The following EIF2AK1 variants were observed in gnomAD, a reference collection of about 807,000 sequenced individuals.
EIF2AK1 encodes eukaryotic translation initiation factor 2-alpha kinase 1.
Under a neutral mutation model 77.9 loss-of-function variants are expected in EIF2AK1, and 54 were observed. The ratio of observed to expected loss-of-function variants is 0.69; its 90% CI spans 0.56 to 0.87. The LOEUF is 0.87. EIF2AK1 is among the 40% of genes least tolerant of loss of function. EIF2AK1 has a pLI of 0.00. For missense variants in EIF2AK1, 810 were observed against 768.6 expected (o/e 1.05, Z -0.64); for synonymous variants, 314 against 290.5 (o/e 1.08, Z -0.82).
Position 6,059,145 on chromosome 7 carries a change from T to A in EIF2AK1, c.-62A>T, listed in dbSNP as rs1488049557. 2.6e-6 allele frequency: 3 copies of A among 1,147,448 alleles called. No homozygotes were observed. Among genetic ancestry groups the A allele is most frequent in the Non-Finnish European group, 3.4e-6 (3 of 876,674 alleles). 71.1% of individuals were successfully genotyped at this position (1,147,448 alleles called of 1,614,324 possible). On this transcript the variant is annotated 5_prime_UTR_variant, in exon 1 of 15. Transcript: ENST00000199389. ...CCAGCCCAGCACTGCCACACTCCGA[T>A]GCTGCAGCTAGCGCCGTCCGACCCG...
intron 14 of EIF2AK1, 145 bp downstream of exon 14, chr7:6,026,583 C>G (rs568369156): frequency 3.5e-5 from 26 of 737,094 alleles, no homozygotes; most frequent in South Asian, 1.3e-4. Context: ...AGGAAGTGGA[C>G]GAGAACAAAC....
chr7:6,029,051 A>C lies in EIF2AK1; in HGVS notation c.1333-19T>G. On this transcript the variant is annotated intron_variant, in intron 11 of 14. Transcript: ENST00000199389. ...TTCTTGGCTATCAACAAACAAAACA[A>C]GTCAACTCCTTGGCTTTCTTAAAAC... 5.7e-6 allele frequency: 9 copies of C among 1,570,112 alleles called. No homozygotes were observed. Among genetic ancestry groups the C allele is most frequent in the Non-Finnish European group, 7.9e-6 (9 of 1,146,084 alleles).
At chr7:6,052,584 T>TTAA (rs368496133) in intron 2 of EIF2AK1, among the ~76,000 whole-genome samples, 5 of 97,148 alleles carry the variant, frequency 5.1e-5, no homozygotes, top group East Asian at 3.1e-4. Context: ...ACTGTTTTGG[T>TTAA]AAAAAAAAAA....
intron 2 of EIF2AK1, among the ~76,000 whole-genome samples, chr7:6,052,725 C>T (rs1379963642): frequency 1.3e-5 from 2 of 149,744 alleles, no homozygotes; most frequent in Non-Finnish European, 3.0e-5. Context: ...TCAAAGCACA[C>T]TGAAGGCCGA....
chr7:6,041,259 C>A, intron 8 of EIF2AK1, 40 bp from the exon 9 acceptor site: 1 of 1,555,478 alleles, frequency 6.4e-7, no homozygotes, highest in Non-Finnish European at 8.6e-7. Flanking sequence ...AGTCAATGGG[C>A]CGAGCACAGT....
chr7:6,025,696 T>A (rs1209234016), intron 14 of EIF2AK1, among the ~76,000 whole-genome samples: 2 of 152,302 alleles, frequency 1.3e-5, no homozygotes, highest in Non-Finnish European at 2.9e-5. Context: ...AGTACAGTGG[T>A]GTGATCTCAG....
chr7:6,030,520 G>C (rs1485313262), intron 11 of EIF2AK1, among the ~76,000 whole-genome samples: 2 of 152,098 alleles, frequency 1.3e-5, no homozygotes, highest in African/African-American at 4.8e-5. Flanking sequence ...TTTTCTTTAA[G>C]ACAGAGTCTT....
intron 4 of EIF2AK1, 81 bp downstream of exon 4, chr7:6,048,726 G>T: frequency 8.7e-7 from 1 of 1,155,380 alleles, no homozygotes; most frequent in Non-Finnish European, 1.2e-6. Context: ...ACAATATTAT[G>T]TTTTAACCTC....
intron 7 of EIF2AK1, among the ~76,000 whole-genome samples, chr7:6,044,233 G>A (rs1210471597): frequency 6.6e-6 from 1 of 152,072 alleles, no homozygotes; most frequent in Non-Finnish European, 1.5e-5. Context: ...GGGAGGCCGA[G>A]GCGGGCGAAT....
chr7:6,037,912 C>A (rs1269211239), intron 10 of EIF2AK1, among the ~76,000 whole-genome samples: 1 of 151,342 alleles, frequency 6.6e-6, no homozygotes, highest in East Asian at 1.9e-4. Context: ...ATCTGGTATC[C>A]TAGCCCACAG....
chr7:6,036,247 C>G lies in EIF2AK1; in HGVS notation c.1332+1177G>C. The G allele has an allele frequency of 6.5e-7, 1 of 1,550,210 alleles. No homozygotes were observed. The highest frequency in any genetic ancestry group is 8.7e-7 in the Non-Finnish European group (1 of 1,146,908). ...ACCCTAATAAAGCAATCGCAAAAAC[C>G]TTTATCCCTACAGGGTATCTGCAAA... On this transcript the variant is annotated intron_variant, in intron 11 of 14. Coordinates refer to ENST00000199389, the MANE Select transcript of EIF2AK1 (RefSeq NM_014413.4). This position sits in a 1 kb window ranked among gnomAD's most constrained non-coding sequence, Gnocchi z 4.6.
chr7:6,024,192 A>G lies in EIF2AK1; in HGVS notation c.*481T>C. The G allele has an allele frequency of 8.0e-7, 1 of 1,251,054 alleles. No individual in the cohort carries two copies. Among genetic ancestry groups the G allele is most frequent in the Non-Finnish European group, 1.0e-6 (1 of 969,592 alleles). The allele number at this position is 1,251,054 out of a possible 1,614,324, so 77.5% of individuals were successfully genotyped here. Reference sequence around the variant, plus strand: ...TTAAGAAGTTGAGCTTTTATCTTAGAGGCAGCAGAAGGTTTGGAGCCAAGG... The same window carrying G: ...TTAAGAAGTTGAGCTTTTATCTTAGGGGCAGCAGAAGGTTTGGAGCCAAGG... On this transcript the variant is annotated 3_prime_UTR_variant, in exon 15 of 15. Transcript: ENST00000199389.
intron 2 of EIF2AK1, among the ~76,000 whole-genome samples, chr7:6,053,280 A>G (rs1788658594): frequency 6.6e-6 from 1 of 152,168 alleles, no homozygotes; most frequent in African/African-American, 2.4e-5. Context: ...ATGTGTAATA[A>G]TCACATCAGG....
At chr7:6,058,911 GA>G in intron 1 of EIF2AK1, 54 bp downstream of exon 1, 1 of 1,437,646 alleles carries the variant, frequency 7.0e-7, no homozygotes, top group Non-Finnish European at 9.3e-7. Context: ...TTGCCGCCCA[GA>G]AACGCAGGTG....
chr7:6,028,697 C>G lies in EIF2AK1; in HGVS notation c.1448G>C (p.Arg483Thr), dbSNP rs376152082. 24 of 1,614,058 alleles carry G rather than the reference C, an allele frequency of 1.5e-5. No homozygotes were observed. The highest frequency in any genetic ancestry group is 1.9e-5 in the Non-Finnish European group (23 of 1,179,924). Reference protein sequence around the residue: ...NTDWTNRNGKRTPTHTSRVGT... With the variant: ...NTDWTNRNGKTTPTHTSRVGT... Reference sequence around the variant, plus strand: ...CACTCTGGACGTATGTGTTGGTGTTCCTATCATTTCAAAAGCCACATATTA... The same window carrying G: ...CACTCTGGACGTATGTGTTGGTGTTGCTATCATTTCAAAAGCCACATATTA... The change falls in exon 13 of 15, where the codon AGA becomes ACA. Residue 483 changes from arginine (R) to threonine (T), a missense_variant and splice_region_variant. By Grantham distance (71) the Arg-to-Thr change is moderately conservative. Around this residue, in one of 3 missense-constraint regions of EIF2AK1, gnomAD observed 549 missense variants for 533.7 expected, o/e 1.03. Coordinates refer to ENST00000199389, the MANE Select transcript of EIF2AK1 (RefSeq NM_014413.4).
At chr7:6,028,830 T>C (rs185227116) in intron 12 of EIF2AK1, 88 bp downstream of exon 12, 6 of 1,423,854 alleles carry the variant, frequency 4.2e-6, no homozygotes, top group Non-Finnish European at 3.9e-6. Flanking sequence ...CCTTTGCTAT[T>C]AAATCTTTAT....
At chr7:6,045,139 A>G (rs958343121) in intron 6 of EIF2AK1, among the ~76,000 whole-genome samples, 1 of 149,722 alleles carries the variant, frequency 6.7e-6, no homozygotes, top group African/African-American at 2.5e-5. Flanking sequence ...ACAGAGTCTC[A>G]CTCTGTTGCC....
At position 6,044,674 on chromosome 7, in the gene EIF2AK1, TG is replaced by T; in HGVS notation, c.631-14del. The T allele has an allele frequency of 1.2e-6, 2 of 1,609,808 alleles. No homozygotes were observed. The highest frequency in any genetic ancestry group is 1.7e-6 in the Non-Finnish European group (2 of 1,176,688). ...CTTCCCGTAGGACCTAGAAAAGAAATGGAAGTAGATCTGCCTTTTGCTGATA... is the reference window on the plus strand; with the variant it reads ...CTTCCCGTAGGACCTAGAAAAGAAATGAAGTAGATCTGCCTTTTGCTGATA... On this transcript the variant is annotated splice_polypyrimidine_tract_variant and intron_variant, in intron 6 of 14. Transcript: ENST00000199389.
rs1787652396 is a variant in EIF2AK1, at chr7:6,023,797, C to T, written c.*876G>A. 7 of 1,588,386 alleles carry T rather than the reference C, an allele frequency of 4.4e-6. No homozygotes were observed. Among genetic ancestry groups the T allele is most frequent in the African/African-American group, 1.3e-5 (1 of 74,558 alleles). On this transcript the variant is annotated 3_prime_UTR_variant, in exon 15 of 15. Transcript: ENST00000199389. ...TAGAGTCAGAGTCTTTTTATTTAGGCCAGTTGTCAAGTGTCAATAAAAGCA... is the reference window on the plus strand; with the variant it reads ...TAGAGTCAGAGTCTTTTTATTTAGGTCAGTTGTCAAGTGTCAATAAAAGCA...
Sources: gnomAD v4.1 joint callset for allele counts (sites outside exome capture counted in the v4.1 genomes callset) on GRCh38, gnomAD v4.1.1 for gene constraint, gnomAD v4.1.1 regional missense constraint, Gnocchi (gnomAD v3.1) non-coding constraint, MANE v1.5 for transcripts, NCBI Gene and HGNC (gene_info 2026-07-23, HGNC 2026-07-21) for gene names.